The following APBB1IP variants were observed in gnomAD, a reference collection of about 807,000 sequenced individuals.
The protein encoded by APBB1IP is amyloid beta precursor protein binding family B member 1 interacting protein.
Under a neutral mutation model 64.9 loss-of-function variants are expected in APBB1IP, and 27 were observed. That is an observed-to-expected ratio of 0.42 (90% CI 0.31 to 0.57). The LOEUF (loss-of-function observed/expected upper bound fraction) is 0.57. Among genes scored for constraint, APBB1IP ranks in the 20% least tolerant of loss-of-function variants. The pLI, the probability that APBB1IP is intolerant of heterozygous loss-of-function variation, is 0.20. For missense variants in APBB1IP, 812 were observed against 845.5 expected, an observed-to-expected ratio of 0.96 and a Z score of 0.49; for synonymous variants, 392 against 331.0, an observed-to-expected ratio of 1.18 and a Z score of -2.00.
intron 5 of APBB1IP, among the ~76,000 whole-genome samples, chr10:26,502,331 G>A (rs1836114198): frequency 6.6e-6 from 1 of 152,172 alleles, no homozygotes; most frequent in Admixed American, 6.5e-5. Context: ...GTTTTTTGGT[G>A]AATTGTAAGT....
intron 11 of APBB1IP, among the ~76,000 whole-genome samples, chr10:26,550,083 T>C (rs1836812173): frequency 6.6e-6 from 1 of 152,056 alleles, no homozygotes; most frequent in South Asian, 2.1e-4. Context: ...TGTCCCACTC[T>C]TTCTTGGCCT....
intron 2 of APBB1IP, among the ~76,000 whole-genome samples, chr10:26,475,521 G>T (rs1324423851): frequency 6.6e-6 from 1 of 152,076 alleles, no homozygotes; most frequent in African/African-American, 2.4e-5. Context: ...ACAATCCCAG[G>T]CCCTGATATG....
chr10:26,459,072 A>T (rs1393033171), intron 2 of APBB1IP, among the ~76,000 whole-genome samples: 1 of 143,236 alleles, frequency 7.0e-6, no homozygotes, highest in Non-Finnish European at 1.5e-5. Flanking sequence ...TATATCTCCT[A>T]ATGCTATCCC....
chr10:26,565,713 A>G (rs181683564), intron 14 of APBB1IP, among the ~76,000 whole-genome samples: 2 of 152,360 alleles, frequency 1.3e-5, no homozygotes, highest in Admixed American at 1.3e-4. Context: ...AAAGCCAGTA[A>G]CACCATGAAG....
At chr10:26,467,880 T>C (rs1326066242) in intron 2 of APBB1IP, among the ~76,000 whole-genome samples, 1 of 152,232 alleles carries the variant, frequency 6.6e-6, no homozygotes, top group East Asian at 1.9e-4. Context: ...AGCTTTTAAG[T>C]GTCTCGTAAT....
chr10:26,477,914 G>A (rs762837603), intron 2 of APBB1IP, among the ~76,000 whole-genome samples: 13 of 152,090 alleles, frequency 8.5e-5, no homozygotes, highest in African/African-American at 1.7e-4. Flanking sequence ...TTGTAGAGAC[G>A]GGATCATGCT....
chr10:26,513,184 G>A lies in APBB1IP; in HGVS notation c.692-355G>A, dbSNP rs369905561. 4.6e-5 allele frequency among the ~76,000 whole-genome samples: 7 copies of A among 152,170 alleles called. No homozygotes were observed. The East Asian group carries it at 1.4e-3, about 29-fold the overall frequency. On this transcript the variant is annotated intron_variant, in intron 7 of 14. Transcript: ENST00000376236. ...TAGGCTGAGCTACTTGGGAGGGTGA[G>A]GCAGGAGGATTGCTTGAGCCTTGAG...
chr10:26,487,076 A>G (rs944637209), intron 2 of APBB1IP, among the ~76,000 whole-genome samples: 3 of 151,446 alleles, frequency 2.0e-5, no homozygotes, highest in African/African-American at 7.4e-5. Flanking sequence ...AAAGATTCTA[A>G]CTCCACCCAG....
chr10:26,531,486 T>C (rs1398262433), intron 8 of APBB1IP, among the ~76,000 whole-genome samples: 1 of 151,912 alleles, frequency 6.6e-6, no homozygotes, highest in Non-Finnish European at 1.5e-5. Flanking sequence ...GCTAACATGG[T>C]GAAACCCCAT....
intron 10 of APBB1IP, among the ~76,000 whole-genome samples, chr10:26,539,030 A>G (rs756119406): frequency 6.6e-6 from 1 of 152,256 alleles, no homozygotes; most frequent in Non-Finnish European, 1.5e-5. Context: ...ATTTAGAAAT[A>G]TAATTTCCTA....
chr10:26,519,111 C>G (rs943173281), intron 8 of APBB1IP, among the ~76,000 whole-genome samples: 1 of 106,074 alleles, frequency 9.4e-6, no homozygotes, highest in Non-Finnish European at 1.8e-5. Context: ...CCTGTCTCTA[C>G]TAAAAATACA....
At chr10:26,451,794 A>T (rs1040300330) in intron 2 of APBB1IP, among the ~76,000 whole-genome samples, 2 of 152,228 alleles carry the variant, frequency 1.3e-5, no homozygotes, top group African/African-American at 4.8e-5. Flanking sequence ...ATGCATGAAG[A>T]CAGGATTGTC....
At chr10:26,566,634 T>A (rs1264649237) in intron 14 of APBB1IP, among the ~76,000 whole-genome samples, 1 of 152,214 alleles carries the variant, frequency 6.6e-6, no homozygotes, top group Non-Finnish European at 1.5e-5. Context: ...AGAACAAAGA[T>A]GAGCTCATGA....
chr10:26,533,330 G>C, intron 8 of APBB1IP, 109 bp from the exon 9 acceptor site: 1 of 576,326 alleles, frequency 1.7e-6, no homozygotes, highest in South Asian at 3.5e-5. Flanking sequence ...CTGGTTCCCT[G>C]TTTGTTTCAC....
In APBB1IP at chr10:26,567,298, C is replaced by G. The variant is rs1837064314; in HGVS notation, c.1811C>G (p.Pro604Arg). The stretch of plus-strand genomic sequence containing the variant: ...TCAGAGCTGCCCCCGCCGCCGCCGC[C>G]GCCGCCCGCGCCCGCGCCCGCCCCC... The part of the protein sequence containing the change: ...AGSELPPPPP[P>R]PPAPAPAPVP... Residue 604 changes from proline to arginine, a missense_variant, in exon 15 of 15, where the codon CCG becomes CGG. Pro to Arg is a moderately radical substitution (Grantham distance 103). This residue lies in a region of APBB1IP where 381 missense variants were observed against 352.1 expected (regional missense o/e 1.08). Coordinates refer to ENST00000376236, the MANE Select transcript of APBB1IP (RefSeq NM_019043.4). The G allele has an allele frequency of 1.8e-6, 2 of 1,085,632 alleles. No individual in the cohort carries two copies. Among genetic ancestry groups the G allele is most frequent in the Non-Finnish European group, 2.2e-6 (2 of 889,816 alleles). 67.2% of individuals were successfully genotyped at this position (1,085,632 alleles called of 1,614,324 possible). A position where few individuals can be genotyped will look rare whatever the true frequency, so the allele number is the denominator to read the frequency against.
intron 11 of APBB1IP, among the ~76,000 whole-genome samples, chr10:26,547,071 C>T (rs1018302953): frequency 2.0e-5 from 3 of 152,104 alleles, no homozygotes; most frequent in Non-Finnish European, 4.4e-5. Flanking sequence ...TATTTTTTGT[C>T]CTTTTATCAT....
chr10:26,528,552 T>C (rs140904786), intron 8 of APBB1IP, among the ~76,000 whole-genome samples: 14 of 152,314 alleles, frequency 9.2e-5, no homozygotes, highest in African/African-American at 3.1e-4. Flanking sequence ...GTCTCTTATA[T>C]CTTCCCCATT....
chr10:26,560,038 T>G, intron 11 of APBB1IP, 67 bp from the exon 12 acceptor site: 1 of 1,335,178 alleles, frequency 7.5e-7, no homozygotes, highest in Non-Finnish European at 1.1e-6. Context: ...TTAAATTTCC[T>G]GACAGGTGCT....
chr10:26,564,709 A>G (rs1467909287), intron 14 of APBB1IP, among the ~76,000 whole-genome samples: 2 of 152,150 alleles, frequency 1.3e-5, no homozygotes, highest in African/African-American at 2.4e-5. Flanking sequence ...AGGCTGAGGC[A>G]TGAGGATTGC....
Sources: gnomAD v4.1 joint callset for allele counts (sites outside exome capture counted in the v4.1 genomes callset) on GRCh38, gnomAD v4.1.1 for gene constraint, gnomAD v4.1.1 regional missense constraint, MANE v1.5 for transcripts, NCBI Gene and HGNC (gene_info 2026-07-23, HGNC 2026-07-21) for gene names.